Variants in THBS2 observed in about 807,000 individuals in gnomAD.
The protein encoded by THBS2 is thrombospondin-2.
Under a neutral mutation model 135.2 loss-of-function variants are expected in THBS2, and 47 were observed. The observed-to-expected ratio is 0.35, with a 90% CI of 0.28 to 0.44. The LOEUF (loss-of-function observed/expected upper bound fraction) is 0.44, where lower values mean the gene tolerates loss of function less well. Ranked by LOEUF, THBS2 falls within the 20% of genes least tolerant of loss-of-function variation. The probability of loss-of-function intolerance (pLI) is 1.00; values close to 1 mark genes in which losing one functional copy is unlikely to be tolerated. For synonymous variants in THBS2, 639 were observed against 633.8 expected, an observed-to-expected ratio of 1.01 and a Z score of -0.12; for missense variants, 1,288 against 1,603.1, an observed-to-expected ratio of 0.80 and a Z score of 3.36.
chr6:169,232,073 G>A lies in THBS2; in HGVS notation c.2058C>T (p.Gly686=), dbSNP rs576041153. Residue 686 remains glycine (G), a synonymous_variant, in exon 13 of 22, where the codon GGC becomes GGT. Transcript: ENST00000617924. ...AGTCCTCCCCGCAGATGAGCCCGTC[G>A]CCCGCGTAGCCTGTCTGGCACTCGC... is the stretch of plus-strand genomic sequence containing the variant. The part of the protein sequence containing the change: ...YKCECQTGYA[G]DGLICGEDSD... 2 of 1,614,096 alleles carry A rather than the reference G, an allele frequency of 1.2e-6. No homozygotes were observed. The highest frequency in any genetic ancestry group is 8.5e-7 in the Non-Finnish European group (1 of 1,179,976).
chr6:169,215,940 A>G lies in THBS2; in HGVS notation c.*1882T>C, dbSNP rs1348527109. 3 of 152,582 alleles carry G rather than the reference A, an allele frequency of 2.0e-5. No individual in the cohort carries two copies. Among genetic ancestry groups the G allele is most frequent in the African/African-American group, 7.2e-5 (3 of 41,446 alleles). 9.5% of individuals were successfully genotyped at this position (152,582 alleles called of 1,614,324 possible). A position where few individuals can be genotyped will look rare whatever the true frequency, so the allele number is the denominator to read the frequency against. ...AAAACACATGACGTTTCATCAACCT[A>G]TACGATAAATTTGTTTAGAAAAACA... is the stretch of plus-strand genomic sequence containing the variant. On this transcript the variant is annotated 3_prime_UTR_variant, in exon 22 of 22. Coordinates refer to ENST00000617924, the MANE Select transcript of THBS2 (RefSeq NM_003247.5).
chr6:169,221,367 TC>T, intron 20 of THBS2, 62 bp downstream of exon 20: 1 of 1,464,354 alleles, frequency 6.8e-7, no homozygotes, highest in Non-Finnish European at 9.6e-7. Flanking sequence ...CTATTAATGT[TC>T]AAATGTGCCG....
intron 4 of THBS2, among the ~76,000 whole-genome samples, chr6:169,244,604 A>G (rs1467691241): frequency 2.8e-5 from 4 of 142,968 alleles, no homozygotes; most frequent in African/African-American, 1.1e-4. Context: ...ACGCACGCAC[A>G]CACACACACA....
At chr6:169,249,659 C>T (rs551026343) in intron 2 of THBS2, among the ~76,000 whole-genome samples, 1 of 152,254 alleles carries the variant, frequency 6.6e-6, no homozygotes, top group African/African-American at 2.4e-5. Context: ...GTATCAAGTA[C>T]AGAAACAAAT....
At chr6:169,218,551 G>A (rs1227144525) in intron 21 of THBS2, among the ~76,000 whole-genome samples, 1 of 143,326 alleles carries the variant, frequency 7.0e-6, no homozygotes, top group African/African-American at 2.6e-5. Context: ...GGACTAGATG[G>A]ATAGGTGGAT....
chr6:169,225,226 G>A lies in THBS2; in HGVS notation c.2692C>T (p.Pro898Ser). The change falls in exon 17 of 22, where the codon CCT (proline) becomes TCT (serine). Residue 898 changes from proline to serine, a missense_variant. Physicochemically the swap from Pro to Ser is moderately conservative, Grantham distance 74. This residue lies in a region of THBS2 where 874 missense variants were observed against 1,156.1 expected (regional missense o/e 0.76). Coordinates refer to ENST00000617924, the MANE Select transcript of THBS2 (RefSeq NM_003247.5). ...DRDGQGDACD[P>S]DDDNDGVPDD... ...GGGACGCCATCGTTGTCATCATCAG[G>A]GTCACAGGCGTCGCCCTGGCCGTCT... is the stretch of plus-strand genomic sequence containing the variant. 1 of 1,614,124 alleles carries A rather than the reference G, an allele frequency of 6.2e-7. No individual in the cohort carries two copies. The highest frequency in any genetic ancestry group is 8.5e-7 in the Non-Finnish European group (1 of 1,179,996).
At chr6:169,242,030 G>A in intron 4 of THBS2, 72 bp from the exon 5 acceptor site, 1 of 1,512,946 alleles carries the variant, frequency 6.6e-7, no homozygotes, top group Non-Finnish European at 8.9e-7. Flanking sequence ...GGAACAGAGG[G>A]AGGATGACCC....
Position 169,234,099 on chromosome 6 carries a change from C to T in THBS2, c.1651+635G>A, listed in dbSNP as rs375684181. On this transcript the variant is annotated intron_variant, in intron 10 of 21. Coordinates refer to ENST00000617924, the MANE Select transcript of THBS2 (RefSeq NM_003247.5). ...TCCACACCGCACAACTACCTACACA[C>T]CATGTTTCACAACACACAGCTACTC... Among the ~76,000 whole-genome samples, 18 of 151,218 alleles carry T rather than the reference C, an allele frequency of 1.2e-4. 1 individual carries two copies. The South Asian group carries it at 1.9e-3, about 16-fold the overall frequency.
chr6:169,248,680 C>T lies in THBS2; in HGVS notation c.346G>A (p.Val116Ile), dbSNP rs146466309. 1.2e-3 allele frequency: 1,999 copies of T among 1,613,866 alleles called. 5 individuals are homozygous for T. Among genetic ancestry groups the T allele is most frequent in the Non-Finnish European group, 1.5e-3 (1,774 of 1,179,892 alleles). The change falls in exon 3 of 22, where the codon GTC becomes ATC. Residue 116 changes from valine to isoleucine, a missense_variant. Coordinates refer to ENST00000617924, the MANE Select transcript of THBS2 (RefSeq NM_003247.5). Reference protein sequence around the residue: ...PGLSQRQFEIVSNGPADTLDL... With the variant: ...PGLSQRQFEIISNGPADTLDL... Reference sequence around the variant, plus strand: ...AGCGTGTCCGCGGGGCCGTTGGAGACGATCTCGAACTGCCTCTGGGAGAGA... The same window carrying T: ...AGCGTGTCCGCGGGGCCGTTGGAGATGATCTCGAACTGCCTCTGGGAGAGA...
intron 10 of THBS2, among the ~76,000 whole-genome samples, chr6:169,234,156 A>G (rs1018651123): frequency 2.0e-5 from 3 of 150,672 alleles, no homozygotes; most frequent in Non-Finnish European, 3.0e-5. Context: ...ACAACTACAT[A>G]TTCCAGACCA....
In THBS2 at chr6:169,228,231, A is replaced by T; in HGVS notation, c.2310T>A (p.Asp770Glu). The T allele has an allele frequency of 6.2e-7, 1 of 1,614,126 alleles. No homozygotes were observed. Among genetic ancestry groups the T allele is most frequent in the Middle Eastern group, 1.6e-4 (1 of 6,062 alleles). Residue 770 changes from aspartate to glutamate, a missense_variant, in exon 15 of 22, where the codon GAT (aspartate) becomes GAA (glutamate). By Grantham distance (45) the Asp-to-Glu change is conservative. Around this residue, in one of 2 missense-constraint regions of THBS2, gnomAD observed 874 missense variants for 1,156.1 expected, o/e 0.76. Coordinates refer to ENST00000617924, the MANE Select transcript of THBS2 (RefSeq NM_003247.5). The stretch of plus-strand genomic sequence containing the variant: ...AGTTGTCACAGCGGTCCCCAACCTC[A>T]TCCTTGTCATAGTCAGCCTGGCGGG... ...FNPRQADYDK[D>E]EVGDRCDNCP...
chr6:169,232,932 C>G lies in THBS2; in HGVS notation c.1737G>C (p.Val579=). 1.3e-6 allele frequency: 2 copies of G among 1,578,038 alleles called. No homozygotes were observed. Among genetic ancestry groups the G allele is most frequent in the Non-Finnish European group, 8.6e-7 (1 of 1,162,474 alleles). The change falls in exon 11 of 22, where the codon GTG becomes GTC. Residue 579 remains valine, a synonymous_variant. Coordinates refer to ENST00000617924, the MANE Select transcript of THBS2 (RefSeq NM_003247.5). ...DGSWSCGSCP[V]GFLGNGTHCE... ...AGTGGGTGCCATTGCCCAAGAAGCC[C>G]ACAGGGCAGGAGCCGCATGACCAGG...
At chr6:169,237,546 C>G in intron 8 of THBS2, 79 bp downstream of exon 8, 7 of 1,593,040 alleles carry the variant, frequency 4.4e-6, no homozygotes, top group Non-Finnish European at 6.0e-6. Flanking sequence ...CAGCTCTGTC[C>G]CTTGCAAAGG....
At chr6:169,248,293 G>T in intron 3 of THBS2, 124 bp downstream of exon 3, 3 of 1,136,872 alleles carry the variant, frequency 2.6e-6, no homozygotes, top group Non-Finnish European at 3.8e-6. Context: ...GCCGGGATGT[G>T]CAGTGTGCTT....
chr6:169,247,972 T>G (rs1780610421), intron 3 of THBS2, among the ~76,000 whole-genome samples: 1 of 151,334 alleles, frequency 6.6e-6, no homozygotes. Context: ...ATGTATGGTG[T>G]TTGTGTGCAC....
intron 13 of THBS2, 73 bp from the exon 14 acceptor site, chr6:169,229,752 G>T: frequency 7.9e-7 from 1 of 1,259,696 alleles, no homozygotes; most frequent in Non-Finnish European, 1.2e-6. Flanking sequence ...CAGGTGAAAT[G>T]AAACCAGCAT....
chr6:169,231,870 C>CCTTCTAAATGTGCCGTTG, intron 13 of THBS2, 110 bp downstream of exon 13: 1 of 1,222,752 alleles, frequency 8.2e-7, no homozygotes, highest in South Asian at 1.4e-5. Context: ...GAGAGACCCT[C>CCTTCTAAATGTGCCGTTG]CTTCCAAATT....
At chr6:169,247,504 TATGATGTTC>T (rs1476211693) in intron 3 of THBS2, among the ~76,000 whole-genome samples, 1 of 147,972 alleles carries the variant, frequency 6.8e-6, no homozygotes, top group Non-Finnish European at 1.5e-5. Context: ...TATGCATCTA[TATGATGTTC>T]ATGTGTTTAT....
Position 169,217,659 on chromosome 6 carries a change from C to A in THBS2, c.*163G>T. On this transcript the variant is annotated 3_prime_UTR_variant, in exon 22 of 22. Coordinates refer to ENST00000617924, the MANE Select transcript of THBS2 (RefSeq NM_003247.5). ...TCCATTGATATTTATCCTCTGAAGG[C>A]ACTTGGGTTTGGGGTTGCTGGCAGG... The A allele has an allele frequency of 1.5e-6, 1 of 645,182 alleles. No individual in the cohort carries two copies. Among genetic ancestry groups the A allele is most frequent in the Non-Finnish European group, 2.6e-6 (1 of 385,294 alleles). 40.0% of individuals were successfully genotyped at this position (645,182 alleles called of 1,614,324 possible). A position where few individuals can be genotyped will look rare whatever the true frequency, so the allele number is the denominator to read the frequency against.
Sources: allele counts gnomAD v4.1 joint callset (sites outside exome capture counted in the v4.1 genomes callset), GRCh38; gene constraint gnomAD v4.1.1; regional missense constraint gnomAD v4.1.1; transcripts MANE v1.5; gene names NCBI Gene and HGNC (gene_info 2026-07-23, HGNC 2026-07-21).